The following FADS1 variants were observed in gnomAD, a reference collection of about 807,000 sequenced individuals.
The protein encoded by FADS1 is fatty acid desaturase 1, also known as acyl-CoA (8-3)-desaturase.
FADS1 carries 17 observed loss-of-function variants against 61.6 expected under a neutral mutation model. The observed-to-expected ratio is 0.28, with a 90% CI of 0.19 to 0.41. The LOEUF (loss-of-function observed/expected upper bound fraction) is 0.41, where lower values mean the gene tolerates loss of function less well. FADS1 is among the 10% of genes least tolerant of loss of function. The pLI, the probability that FADS1 is intolerant of heterozygous loss-of-function variation, is 1.00. For missense variants in FADS1, 387 were observed against 650.9 expected (o/e 0.59, Z 4.41); for synonymous variants, 238 against 258.7 (o/e 0.92, Z 0.77).
chr11:61,816,523 C>T lies in FADS1; in HGVS notation c.375+32G>A. On this transcript the variant is annotated intron_variant, in intron 1 of 11. Transcript: ENST00000350997. The surrounding 1 kb of genome is among the most constrained non-coding windows in gnomAD (Gnocchi z 7.0). ...CCCTGCACTCAGCCTCCGGTCCCGC[C>T]CTCTCCTGTGCCCCCGCCTGGCTGC... is the stretch of plus-strand genomic sequence containing the variant. The T allele has an allele frequency of 1.3e-6, 2 of 1,597,306 alleles. No homozygotes were observed. The highest frequency in any genetic ancestry group is 2.7e-5 in the African/African-American group (2 of 74,828).
At chr11:61,811,999 C>A in intron 3 of FADS1, 1 of 340,612 alleles carries the variant, frequency 2.9e-6, no homozygotes, top group Non-Finnish European at 5.9e-6. Context: ...AGACATGAGT[C>A]ACCACACCTG....
chr11:61,800,483 C>T lies in FADS1; in HGVS notation c.*1928G>A, dbSNP rs181067085. ...TTCCTGTGTCTTTGTGTTGACAAAC[C>T]TCTAATCTTCCATGTCTTTGTGTTG... On this transcript the variant is annotated 3_prime_UTR_variant, in exon 12 of 12. Transcript: ENST00000350997. 25 of 152,472 alleles carry T rather than the reference C, an allele frequency of 1.6e-4. No individual in the cohort carries two copies. Among genetic ancestry groups the T allele is most frequent in the Admixed American group, 1.6e-3 (24 of 15,300 alleles). The allele number at this position is 152,472 out of a possible 1,614,324, so 9.4% of individuals were successfully genotyped here.
intron 1 of FADS1, among the ~76,000 whole-genome samples, chr11:61,813,782 A>G (rs1006107994): frequency 2.0e-5 from 3 of 151,922 alleles, no homozygotes; most frequent in Non-Finnish European, 2.9e-5. Context: ...TGGCTAACAC[A>G]GTGAAACCCC....
intron 5 of FADS1, among the ~76,000 whole-genome samples, chr11:61,809,378 T>C (rs2066917075): frequency 6.6e-6 from 1 of 152,224 alleles, no homozygotes; most frequent in Admixed American, 6.5e-5. Context: ...AGGGTTGCGC[T>C]GTTACCCAGG....
At position 61,813,399 on chromosome 11, in the gene FADS1, G is replaced by A. The variant is rs376793418; in HGVS notation, c.376-46C>T. On this transcript the variant is annotated intron_variant, in intron 1 of 11. Coordinates refer to ENST00000350997, the MANE Select transcript of FADS1 (RefSeq NM_013402.7). ...TGAAAGGTGAGGGAGCCAGCCCCCT[G>A]GACTCCGGCAGTGTTCGCACCAAAG... The A allele has an allele frequency of 4.5e-5, 53 of 1,166,144 alleles. No homozygotes were observed. In the East Asian group the frequency reaches 1.2e-3, roughly 27 times the overall value. 72.2% of individuals were successfully genotyped at this position (1,166,144 alleles called of 1,614,324 possible).
At position 61,801,037 on chromosome 11, in the gene FADS1, A is replaced by G. The variant is rs2066852480; in HGVS notation, c.*1374T>C. Reference sequence around the variant, plus strand: ...AGTGGACAGAGTAAGATACCTAGCTACAGCAATAGAAATCACAAACTGTTC... The same window carrying G: ...AGTGGACAGAGTAAGATACCTAGCTGCAGCAATAGAAATCACAAACTGTTC... On this transcript the variant is annotated 3_prime_UTR_variant, in exon 12 of 12. Transcript: ENST00000350997. 1 of 152,366 alleles carries G rather than the reference A, an allele frequency of 6.6e-6. No individual in the cohort carries two copies. The highest frequency in any genetic ancestry group is 2.1e-4 in the South Asian group (1 of 4,834). 9.4% of individuals were successfully genotyped at this position (152,366 alleles called of 1,614,324 possible).
At chr11:61,811,831 G>C in intron 3 of FADS1, 1 of 444,070 alleles carries the variant, frequency 2.3e-6, no homozygotes, top group South Asian at 1.6e-5. Flanking sequence ...CAAATGATCT[G>C]CCCATCTTGG....
rs2066944982 is a variant in FADS1, at chr11:61,813,326, T to G, written c.403A>C (p.Lys135Gln). The change falls in exon 2 of 12, where the codon AAG (lysine) becomes CAG (glutamine). Residue 135 changes from lysine to glutamine, a missense_variant. Around this residue, in one of 2 missense-constraint regions of FADS1, gnomAD observed 257 missense variants for 533.3 expected, o/e 0.48. Transcript: ENST00000350997. ...TTCATATACTTCTTCACAAGGCCCT[T>G]GTTGATGTGGAAGGCCACAAAGGGA... Reference protein sequence around the residue: ...TDPFVAFHINKGLVKKYMNSL... With the variant: ...TDPFVAFHINQGLVKKYMNSL... 6.2e-7 allele frequency: 1 copy of G among 1,612,246 alleles called. No homozygotes were observed. Among genetic ancestry groups the G allele is most frequent in the East Asian group, 2.2e-5 (1 of 44,814 alleles).
At position 61,803,609 on chromosome 11, in the gene FADS1, C is replaced by A; in HGVS notation, c.1151+61G>T. 4 of 1,462,486 alleles carry A rather than the reference C, an allele frequency of 2.7e-6. No homozygotes were observed. Among genetic ancestry groups the A allele is most frequent in the Non-Finnish European group, 3.8e-6 (4 of 1,042,108 alleles). 90.6% of individuals were successfully genotyped at this position (1,462,486 alleles called of 1,614,324 possible). On this transcript the variant is annotated intron_variant, in intron 8 of 11. Coordinates refer to ENST00000350997, the MANE Select transcript of FADS1 (RefSeq NM_013402.7). This position sits in a 1 kb window ranked among gnomAD's most constrained non-coding sequence, Gnocchi z 4.3. ...CAAAGCCCCAGCACGGCCCCTAGAC[C>A]AGACTGGTCACTCCCCAACATTTCC...
At chr11:61,810,710 C>T in intron 5 of FADS1, 41 bp downstream of exon 5, 2 of 1,612,128 alleles carry the variant, frequency 1.2e-6, no homozygotes, top group Non-Finnish European at 1.7e-6. Flanking sequence ...TGTTGGCTGC[C>T]TCCTATTCCC....
chr11:61,807,564 C>G (rs2066902274), intron 5 of FADS1, among the ~76,000 whole-genome samples: 1 of 152,214 alleles, frequency 6.6e-6, no homozygotes. Context: ...ACACCAAGAA[C>G]AATTTGGCAA....
chr11:61,810,571 C>T (rs934229173), intron 5 of FADS1, among the ~76,000 whole-genome samples, 180 bp downstream of exon 5: 1 of 152,172 alleles, frequency 6.6e-6, no homozygotes, highest in Non-Finnish European at 1.5e-5. Flanking sequence ...TGGTGACTCC[C>T]TCCTGGGCAG....
At chr11:61,805,380 G>A (rs2066886166) in intron 6 of FADS1, 1 of 152,448 alleles carries the variant, frequency 6.6e-6, no homozygotes, top group South Asian at 2.1e-4. Context: ...GGAACAGAGG[G>A]GCCTCTCTTG....
At position 61,802,115 on chromosome 11, in the gene FADS1, T is replaced by C. The variant is rs561617892; in HGVS notation, c.*296A>G. The C allele has an allele frequency of 2.6e-6, 1 of 388,250 alleles. No homozygotes were observed. The highest frequency in any genetic ancestry group is 4.8e-6 in the Non-Finnish European group (1 of 207,708). The allele number at this position is 388,250 out of a possible 1,614,324, so 24.1% of individuals were successfully genotyped here. On this transcript the variant is annotated 3_prime_UTR_variant, in exon 12 of 12. Coordinates refer to ENST00000350997, the MANE Select transcript of FADS1 (RefSeq NM_013402.7). This position sits in a 1 kb window ranked among gnomAD's most constrained non-coding sequence, Gnocchi z 4.2. ...GTAGGTCCCTCCTCTTCTGTTACCC[T>C]CCTGGTTCTCTCTGTTCACCAACTA...
At position 61,802,270 on chromosome 11, in the gene FADS1, G is replaced by A; in HGVS notation, c.*141C>T. Reference sequence around the variant, plus strand: ...ACTGTGGCTAGAAGATAAAAGGGAGGAGTTTGAGTCAGAGGCTTTATGTCC... The same window carrying A: ...ACTGTGGCTAGAAGATAAAAGGGAGAAGTTTGAGTCAGAGGCTTTATGTCC... On this transcript the variant is annotated 3_prime_UTR_variant, in exon 12 of 12. Coordinates refer to ENST00000350997, the MANE Select transcript of FADS1 (RefSeq NM_013402.7). The surrounding 1 kb of genome is among the most constrained non-coding windows in gnomAD (Gnocchi z 4.2). 1.4e-6 allele frequency: 1 copy of A among 728,028 alleles called. No homozygotes were observed. The allele number at this position is 728,028 out of a possible 1,614,324, so 45.1% of individuals were successfully genotyped here. A position where few individuals can be genotyped will look rare whatever the true frequency, so the allele number is the denominator to read the frequency against.
rs778652269 is a variant in FADS1, at chr11:61,802,770, A to G, written c.1454+31T>C. The G allele has an allele frequency of 6.2e-7, 1 of 1,613,406 alleles. No homozygotes were observed. The highest frequency in any genetic ancestry group is 8.5e-7 in the Non-Finnish European group (1 of 1,179,834). ...CATTGCCCTGCCCTCTTCCCTCCCT[A>G]CTAGCCATCTTCCTGGTCTCAGATA... is the stretch of plus-strand genomic sequence containing the variant. On this transcript the variant is annotated intron_variant, in intron 11 of 11. Transcript: ENST00000350997. This position sits in a 1 kb window ranked among gnomAD's most constrained non-coding sequence, Gnocchi z 4.2.
rs558362094 is a variant in FADS1, at chr11:61,806,390, G to A, written c.976+274C>T. 30 of 472,328 alleles carry A rather than the reference G, an allele frequency of 6.4e-5. 1 individual carries two copies. The South Asian group carries it at 9.2e-4, about 14-fold the overall frequency. 29.3% of individuals were successfully genotyped at this position (472,328 alleles called of 1,614,324 possible). ...AGATAAGGTTGAGGATAAAGCAAGA[G>A]GCCCCTCTACACCCCAAACACCCAG... On this transcript the variant is annotated intron_variant, in intron 6 of 11. Coordinates refer to ENST00000350997, the MANE Select transcript of FADS1 (RefSeq NM_013402.7).
rs1338595292 is a variant in FADS1, at chr11:61,816,837, G to A, written c.93C>T (p.Ile31=). The A allele has an allele frequency of 4.7e-6, 7 of 1,490,066 alleles. No individual in the cohort carries two copies. Among genetic ancestry groups the A allele is most frequent in the Non-Finnish European group, 5.3e-6 (6 of 1,130,004 alleles). 92.3% of individuals were successfully genotyped at this position (1,490,066 alleles called of 1,614,324 possible). A position where few individuals can be genotyped will look rare whatever the true frequency, so the allele number is the denominator to read the frequency against. Residue 31 remains isoleucine, a synonymous_variant, in exon 1 of 12, where the codon ATC becomes ATT. Transcript: ENST00000350997. The surrounding 1 kb of genome is among the most constrained non-coding windows in gnomAD (Gnocchi z 7.0). ...RRLALGARQQ[I]HSWSPRTPST... ...TCGGGGTCCGCGGGCTCCAGGAGTG[G>A]ATTTGCTGGCGCGCGCCCAGAGCCA...
In FADS1 at chr11:61,815,682, G is replaced by A. The variant is rs1452798339; in HGVS notation, c.375+873C>T. On this transcript the variant is annotated intron_variant, in intron 1 of 11. Coordinates refer to ENST00000350997, the MANE Select transcript of FADS1 (RefSeq NM_013402.7). The surrounding 1 kb of genome is among the most constrained non-coding windows in gnomAD (Gnocchi z 6.4). Reference sequence around the variant, plus strand: ...AGAGGCGCCGGGGCCTTAGCTCTGAGGGCTGTGGTCTAGAAAGGGAAGCAG... The same window carrying A: ...AGAGGCGCCGGGGCCTTAGCTCTGAAGGCTGTGGTCTAGAAAGGGAAGCAG... 6.5e-6 allele frequency: 1 copy of A among 154,524 alleles called. No homozygotes were observed. Among genetic ancestry groups the A allele is most frequent in the Non-Finnish European group, 1.4e-5 (1 of 69,580 alleles). The allele number at this position is 154,524 out of a possible 1,614,324, so 9.6% of individuals were successfully genotyped here. A position where few individuals can be genotyped will look rare whatever the true frequency, so the allele number is the denominator to read the frequency against.
Sources: allele counts gnomAD v4.1 joint callset (sites outside exome capture counted in the v4.1 genomes callset), GRCh38; gene constraint gnomAD v4.1.1; regional missense constraint gnomAD v4.1.1; non-coding constraint Gnocchi (gnomAD v3.1); transcripts MANE v1.5; gene names NCBI Gene and HGNC (gene_info 2026-07-23, HGNC 2026-07-21).